WNT7B: variants seen among roughly 807,000 people sequenced by gnomAD.
WNT7B encodes Wnt family member 7B.
WNT7B carries 19 observed loss-of-function variants against 38.2 expected under a neutral mutation model. The ratio of observed to expected loss-of-function variants is 0.50; its 90% CI spans 0.35 to 0.73. The LOEUF is 0.73. WNT7B is among the 30% of genes least tolerant of loss of function. WNT7B has a pLI of 0.01. For synonymous variants in WNT7B, 243 were observed against 209.3 expected (o/e 1.16, Z -1.39); for missense variants, 423 against 507.9 (o/e 0.83, Z 1.61).
At chr22:45,928,446 G>A (rs1931165136) in intron 3 of WNT7B, among the ~76,000 whole-genome samples, 2 of 152,060 alleles carry the variant, frequency 1.3e-5, no homozygotes. Context: ...TGCACCCACT[G>A]TGCAGATGAG....
chr22:45,945,744 G>C (rs1021799378), intron 2 of WNT7B, among the ~76,000 whole-genome samples: 1 of 152,216 alleles, frequency 6.6e-6, no homozygotes, highest in African/African-American at 2.4e-5. Context: ...CAGATACCCC[G>C]AGATGGGTCC....
At position 45,965,797 on chromosome 22, in the gene WNT7B, CA is replaced by C. The variant is rs1223192762; in HGVS notation, c.71+10886del. ...CCCCTGCAACCTTGAGACCCTCGCT[CA>C]GGGCCCCGGGGACTCTTGGTCAACA... On this transcript the variant is annotated intron_variant, in intron 1 of 3. Transcript: ENST00000339464. This position sits in a 1 kb window ranked among gnomAD's most constrained non-coding sequence, Gnocchi z 6.5. 3.3e-5 allele frequency among the ~76,000 whole-genome samples: 5 copies of C among 152,230 alleles called. No individual in the cohort carries two copies. The highest frequency in any genetic ancestry group is 1.2e-4 in the African/African-American group (5 of 41,454).
chr22:45,960,588 G>A (rs527965960), intron 1 of WNT7B, among the ~76,000 whole-genome samples: 10 of 152,230 alleles, frequency 6.6e-5, no homozygotes, highest in South Asian at 2.1e-4. Flanking sequence ...CCTGGCTGCC[G>A]GGCGGCCCTG....
rs1329636685 is a variant in WNT7B at position 45,922,415 on chromosome 22, C to T, written c.*441G>A. On this transcript the variant is annotated 3_prime_UTR_variant, in exon 4 of 4. Transcript: ENST00000339464. ...ACCGCCCCAGGGCCCAGCGGCAGAC[C>T]CAGCCTGGGAACTGGTCTGGAGAGG... The T allele has an allele frequency of 5.6e-6, 1 of 178,432 alleles. No homozygotes were observed. Among genetic ancestry groups the T allele is most frequent in the Admixed American group, 5.5e-5 (1 of 18,202 alleles). 11.1% of individuals were successfully genotyped at this position (178,432 alleles called of 1,614,324 possible).
chr22:45,960,320 G>C (rs1034283424), intron 1 of WNT7B, among the ~76,000 whole-genome samples: 2 of 152,116 alleles, frequency 1.3e-5, no homozygotes, highest in East Asian at 3.9e-4. Context: ...CCACCCACCA[G>C]CCCCCTCTGG....
chr22:45,926,545 A>C (rs1252161478), intron 3 of WNT7B: 2 of 985,234 alleles, frequency 2.0e-6, no homozygotes, highest in Non-Finnish European at 2.4e-6. Flanking sequence ...CCAGGGCGAG[A>C]CTGACCAGCC....
At chr22:45,950,543 C>G (rs750189157) in intron 1 of WNT7B, among the ~76,000 whole-genome samples, 6 of 152,360 alleles carry the variant, frequency 3.9e-5, no homozygotes, top group Non-Finnish European at 1.5e-5. Context: ...GCGGCAGACC[C>G]CAACTCCCCG....
rs1931934846 is a variant in WNT7B at position 45,951,631 on chromosome 22, C to G, written c.72-1485G>C. Reference sequence around the variant, plus strand: ...TTCTGGATGTTTCCTATGGATGGAACCATTCATTGTGTGACCTTTGGCGTC... The same window carrying G: ...TTCTGGATGTTTCCTATGGATGGAAGCATTCATTGTGTGACCTTTGGCGTC... On this transcript the variant is annotated intron_variant, in intron 1 of 3. Transcript: ENST00000339464. This position sits in a 1 kb window ranked among gnomAD's most constrained non-coding sequence, Gnocchi z 4.8. Among the ~76,000 whole-genome samples, 1 of 152,174 alleles carries G rather than the reference C, an allele frequency of 6.6e-6. No homozygotes were observed. Among genetic ancestry groups the G allele is most frequent in the Non-Finnish European group, 1.5e-5 (1 of 68,040 alleles).
chr22:45,943,058 G>A (rs1337070677), intron 2 of WNT7B, among the ~76,000 whole-genome samples: 1 of 151,970 alleles, frequency 6.6e-6, no homozygotes, highest in African/African-American at 2.4e-5. Context: ...ATGCATGTGT[G>A]TGCAGTGTGC....
chr22:45,929,554 T>TCACCCA (rs1931229024), intron 3 of WNT7B, among the ~76,000 whole-genome samples: 3 of 117,790 alleles, frequency 2.5e-5, no homozygotes, highest in African/African-American at 9.9e-5. Flanking sequence ...CCAACCATCC[T>TCACCCA]TCCACCCATC....
At chr22:45,933,742 C>G (rs1601721085) in intron 2 of WNT7B, among the ~76,000 whole-genome samples, 2 of 152,152 alleles carry the variant, frequency 1.3e-5, no homozygotes, top group Non-Finnish European at 2.9e-5. Context: ...AGCATGGATT[C>G]GCTTGCTGTG....
intron 3 of WNT7B, among the ~76,000 whole-genome samples, chr22:45,929,560 C>T (rs563682976): frequency 4.9e-5 from 7 of 143,088 alleles, no homozygotes; most frequent in Admixed American, 3.4e-4. Context: ...ATCCTTCCAC[C>T]CATCCCCTCA....
chr22:45,959,238 G>A (rs886458085), intron 1 of WNT7B, among the ~76,000 whole-genome samples: 1 of 152,214 alleles, frequency 6.6e-6, no homozygotes, highest in Non-Finnish European at 1.5e-5. Context: ...CTGCAGGCTG[G>A]ACAGGGGGTG....
At chr22:45,945,423 C>T (rs1307090041) in intron 2 of WNT7B, among the ~76,000 whole-genome samples, 1 of 152,216 alleles carries the variant, frequency 6.6e-6, no homozygotes, top group East Asian at 1.9e-4. Context: ...CCAATATATC[C>T]AAAATCTTAC....
chr22:45,931,416 CA>C (rs1411305805), intron 2 of WNT7B, 47 bp from the exon 3 acceptor site: 19 of 1,522,988 alleles, frequency 1.2e-5, no homozygotes, highest in Non-Finnish European at 1.7e-5. Flanking sequence ...GGCCCTGGGC[CA>C]GGTGGGCTCA....
chr22:45,953,240 CA>C (rs1442057948), intron 1 of WNT7B, among the ~76,000 whole-genome samples: 1 of 109,356 alleles, frequency 9.1e-6, no homozygotes, highest in African/African-American at 3.6e-5. Context: ...CTTCCCCTCA[CA>C]GTCACCGTGT....
At chr22:45,928,138 C>T (rs558659116) in intron 3 of WNT7B, among the ~76,000 whole-genome samples, 22 of 152,316 alleles carry the variant, frequency 1.4e-4, no homozygotes, top group Non-Finnish European at 2.1e-4. Flanking sequence ...AGGCCCCACC[C>T]GCGGCACTTG....
intron 1 of WNT7B, among the ~76,000 whole-genome samples, chr22:45,974,867 G>A (rs1284164344): frequency 6.6e-6 from 1 of 152,150 alleles, no homozygotes; most frequent in Non-Finnish European, 1.5e-5. Context: ...GAAGGGACCA[G>A]GAGGCTTGGG....
rs540130405 is a variant in WNT7B at position 45,925,333 on chromosome 22, C to T, written c.571-1998G>A. 8 of 985,370 alleles carry T rather than the reference C, an allele frequency of 8.1e-6. No homozygotes were observed. In the South Asian group the frequency reaches 1.4e-4, roughly 17 times the overall value. 61.0% of individuals were successfully genotyped at this position (985,370 alleles called of 1,614,324 possible). The stretch of plus-strand genomic sequence containing the variant: ...TTTTCTGCTCTGCATCAGTGATGCC[C>T]TTGGACAAAGACTGGAGAGACTGGG... On this transcript the variant is annotated intron_variant, in intron 3 of 3. Transcript: ENST00000339464.
Sources: allele counts gnomAD v4.1 joint callset (sites outside exome capture counted in the v4.1 genomes callset), GRCh38; gene constraint gnomAD v4.1.1; non-coding constraint Gnocchi (gnomAD v3.1); transcripts MANE v1.5; gene names NCBI Gene and HGNC (gene_info 2026-07-23, HGNC 2026-07-21).